IQSEC2: variants seen among roughly 807,000 people sequenced by gnomAD.
IQSEC2 encodes IQ motif and SEC7 domain-containing protein 2.
In IQSEC2, 6 loss-of-function variants were observed where a neutral mutation model predicts 74.6. That is an observed-to-expected ratio of 0.08 (90% CI 0.04 to 0.16). The LOEUF (loss-of-function observed/expected upper bound fraction) is 0.16. Ranked by LOEUF, IQSEC2 falls within the 10% of genes least tolerant of loss-of-function variation. The pLI is 1.00. For synonymous variants in IQSEC2, 494 were observed against 544.5 expected, an observed-to-expected ratio of 0.91 and a Z score of 1.29; for missense variants, 734 against 1,306.2, an observed-to-expected ratio of 0.56 and a Z score of 6.75.
intron 1 of IQSEC2, among the ~76,000 whole-genome samples, chrX:53,295,327 G>A (rs931411873): frequency 3.6e-5 from 4 of 111,620 alleles, no homozygotes; most frequent in South Asian, 7.5e-4. Context: ...GAATTTGGCC[G>A]GGCGCCATGG....
chrX:53,253,584 A>G (rs2074422105), intron 4 of IQSEC2, among the ~76,000 whole-genome samples: 2 of 112,126 alleles, frequency 1.8e-5, no homozygotes, highest in South Asian at 3.7e-4. Flanking sequence ...TCCAGCTCCA[A>G]TGCTGTTTTC....
chrX:53,318,405 G>A (rs2075398836), intron 1 of IQSEC2, among the ~76,000 whole-genome samples: 1 of 112,374 alleles, frequency 8.9e-6, no homozygotes, highest in Non-Finnish European at 1.9e-5. Context: ...AGGTAGGCCT[G>A]CACGGATAGC....
At position 53,254,576 on chromosome X, in the gene IQSEC2, T is replaced by C; in HGVS notation, c.1355A>G (p.Glu452Gly). The part of the protein sequence containing the change: ...GGGSSVTTSG[E>G]FSNDITELED... ...AAGTTCTGTGATGTCATTAGAAAAC[T>C]CTCCAGATGTGGTGACGGAGCTTCC... The change falls in exon 4 of 15, where the codon GAG becomes GGG. Residue 452 changes from glutamate to glycine, a missense_variant. This residue lies in a region of IQSEC2 where 204 missense variants were observed against 305.4 expected (regional missense o/e 0.67). Transcript: ENST00000642864. 8.4e-7 allele frequency: 1 copy of C among 1,189,040 alleles called. No homozygotes were observed. The highest frequency in any genetic ancestry group is 1.1e-6 in the Non-Finnish European group (1 of 885,401).
At chrX:53,236,180 G>T in intron 13 of IQSEC2, 142 bp downstream of exon 13, 1 of 711,631 alleles carries the variant, frequency 1.4e-6, no homozygotes, top group Non-Finnish European at 2.1e-6. Flanking sequence ...GCCCCCTGTG[G>T]CGCAGCGCCC....
chrX:53,276,461 C>T (rs994205165), intron 2 of IQSEC2, among the ~76,000 whole-genome samples: 3 of 111,914 alleles, frequency 2.7e-5, no homozygotes, highest in Non-Finnish European at 3.8e-5. Context: ...TTATTCTCTT[C>T]AATTATCTAA....
intron 2 of IQSEC2, among the ~76,000 whole-genome samples, chrX:53,276,757 T>G (rs2074840297): frequency 8.9e-6 from 1 of 112,547 alleles, no homozygotes; most frequent in African/African-American, 3.2e-5. Context: ...TATTACTGTG[T>G]AACAAACTAC....
At chrX:53,290,558 G>A (rs1602348661) in intron 2 of IQSEC2, among the ~76,000 whole-genome samples, 1 of 111,718 alleles carries the variant, frequency 9.0e-6, no homozygotes, top group Admixed American at 9.4e-5. Context: ...TAAGTGCTAG[G>A]ACAAGCTGTG....
intron 1 of IQSEC2, among the ~76,000 whole-genome samples, chrX:53,320,002 A>AG (rs1281674391): frequency 9.1e-6 from 1 of 109,589 alleles, no homozygotes; most frequent in African/African-American, 3.3e-5. Context: ...GGAAAAAAAA[A>AG]AAAAGGCGGG....
intron 1 of IQSEC2, among the ~76,000 whole-genome samples, chrX:53,306,259 G>A (rs1830582904): frequency 8.9e-6 from 1 of 112,103 alleles, no homozygotes; most frequent in South Asian, 3.7e-4. Context: ...AGCCAATCCC[G>A]GCAAAGCCCA....
chrX:53,243,449 G>A lies in IQSEC2; in HGVS notation c.2772C>T (p.Ile924=), dbSNP rs782709813. 2 of 1,178,194 alleles carry A rather than the reference G, an allele frequency of 1.7e-6. No homozygotes were observed. The highest frequency in any genetic ancestry group is 6.3e-5 in the East Asian group (2 of 31,934). The change falls in exon 9 of 15, where the codon ATC becomes ATT. Residue 924 remains isoleucine, a synonymous_variant. Coordinates refer to ENST00000642864, the MANE Select transcript of IQSEC2 (RefSeq NM_001111125.3). ...NLRGVDNGED[I]PRDLLVGIYQ... ...AGATGCCCACCAGGAGGTCTCGGGG[G>A]ATGTCTTCACCATTGTCAACCCCTG... is the stretch of plus-strand genomic sequence containing the variant.
intron 10 of IQSEC2, among the ~76,000 whole-genome samples, chrX:53,241,382 A>G (rs2074219064): frequency 8.9e-6 from 1 of 111,775 alleles, no homozygotes; most frequent in South Asian, 3.7e-4. Flanking sequence ...TTCTGGGACT[A>G]TAGGTGTGAG....
chrX:53,297,842 C>T (rs1395343488), intron 1 of IQSEC2, among the ~76,000 whole-genome samples: 1 of 111,355 alleles, frequency 9.0e-6, no homozygotes, highest in African/African-American at 3.3e-5. Context: ...AACAACCTCT[C>T]TCTCAGGCCA....
At chrX:53,267,144 G>A (rs2074673017) in intron 2 of IQSEC2, 1 of 1,089,310 alleles carries the variant, frequency 9.2e-7, no homozygotes, top group African/African-American at 1.9e-5. Context: ...GCAGAGCAGG[G>A]GAGATACGCG....
chrX:53,310,671 T>C (rs782307911), intron 1 of IQSEC2, among the ~76,000 whole-genome samples: 20 of 110,742 alleles, frequency 1.8e-4, no homozygotes, highest in Non-Finnish European at 2.8e-4. Flanking sequence ...GTCCACCCTC[T>C]TCCATGAAAA....
At chrX:53,244,928 G>T (rs1315875391) in intron 8 of IQSEC2, among the ~76,000 whole-genome samples, 1 of 109,845 alleles carries the variant, frequency 9.1e-6, no homozygotes, top group Non-Finnish European at 1.9e-5. Flanking sequence ...ATAATTAGAG[G>T]GGGAAGTTAC....
chrX:53,320,644 G>C lies in IQSEC2; in HGVS notation c.480C>G (p.His160Gln). Reference protein sequence around the residue: ...RERDVAQCHLHHENPALGRER... With the variant: ...RERDVAQCHLQHENPALGRER... Reference sequence around the variant, plus strand: ...CGCGACCCAGGGCTGGGTTCTCGTGGTGCAGGTGGCACTGGGCCACGTCAC... The same window carrying C: ...CGCGACCCAGGGCTGGGTTCTCGTGCTGCAGGTGGCACTGGGCCACGTCAC... The change falls in exon 1 of 15, where the codon CAC becomes CAG. Residue 160 changes from histidine (H) to glutamine (Q), a missense_variant. His to Gln is a conservative substitution (Grantham distance 24, BLOSUM62 0). Around this residue, in one of 12 missense-constraint regions of IQSEC2, gnomAD observed 134 missense variants for 214.9 expected, o/e 0.62. Coordinates refer to ENST00000642864, the MANE Select transcript of IQSEC2 (RefSeq NM_001111125.3). The C allele has an allele frequency of 8.6e-7, 1 of 1,163,901 alleles. No homozygotes were observed. Among genetic ancestry groups the C allele is most frequent in the Non-Finnish European group, 1.1e-6 (1 of 871,239 alleles).
At chrX:53,251,481 C>G (rs1556863684) in intron 4 of IQSEC2, among the ~76,000 whole-genome samples, 1 of 111,494 alleles carries the variant, frequency 9.0e-6, no homozygotes, top group East Asian at 2.8e-4. Flanking sequence ...TTACCTCCTC[C>G]CTGATTCAAG....
downstream of IQSEC2, chrX:53,230,621 A>G: frequency 8.5e-6 from 1 of 117,610 alleles, no homozygotes; most frequent in Non-Finnish European, 1.8e-5. Context: ...TTTGAGACAG[A>G]GTCTTGCTCT....
At chrX:53,275,142 T>G (rs2074807358) in intron 2 of IQSEC2, among the ~76,000 whole-genome samples, 1 of 111,562 alleles carries the variant, frequency 9.0e-6, no homozygotes, top group Non-Finnish European at 1.9e-5. Context: ...TCCAGATTTT[T>G]TTCTGGTACT....
Sources: gnomAD v4.1 joint callset for allele counts (sites outside exome capture counted in the v4.1 genomes callset) on GRCh38, gnomAD v4.1.1 for gene constraint, gnomAD v4.1.1 regional missense constraint, MANE v1.5 for transcripts, NCBI Gene and HGNC (gene_info 2026-07-23, HGNC 2026-07-21) for gene names.